DENND2D: variants seen among roughly 807,000 people sequenced by gnomAD.
The protein encoded by DENND2D is DENN domain containing 2D.
Under a neutral mutation model 59.8 loss-of-function variants are expected in DENND2D, and 37 were observed. The ratio of observed to expected loss-of-function variants is 0.62; its 90% CI spans 0.48 to 0.81. The LOEUF is 0.81. Ranked by LOEUF, DENND2D falls within the 40% of genes least tolerant of loss-of-function variation. The probability of loss-of-function intolerance (pLI) is 0.00; values close to 1 mark genes in which losing one functional copy is unlikely to be tolerated. For missense variants in DENND2D, 525 were observed against 579.7 expected (o/e 0.91, Z 0.97); for synonymous variants, 219 against 211.3 (o/e 1.04, Z -0.31).
chr1:111,198,224 G>A (rs1001446103), intron 3 of DENND2D, among the ~76,000 whole-genome samples: 3 of 152,214 alleles, frequency 2.0e-5, no homozygotes, highest in African/African-American at 7.2e-5. Context: ...TGAGGCCAGA[G>A]GGTGCTTCTT....
At chr1:111,197,484 A>G (rs1260445182) in intron 4 of DENND2D, 49 of 1,414,098 alleles carry the variant, frequency 3.5e-5, no homozygotes, top group Non-Finnish European at 4.4e-5. Context: ...ATCTGGGGTC[A>G]GCAAAGAGGG....
At chr1:111,198,190 T>C (rs1005990621) in intron 3 of DENND2D, among the ~76,000 whole-genome samples, 1 of 152,228 alleles carries the variant, frequency 6.6e-6, no homozygotes, top group African/African-American at 2.4e-5. Flanking sequence ...TCAGTAATTA[T>C]TCCCACTTTA....
intron 6 of DENND2D, chr1:111,194,991 G>A (rs186597645): frequency 4.4e-6 from 2 of 451,372 alleles, no homozygotes; most frequent in East Asian, 3.6e-5. Flanking sequence ...TCTGTTCCTT[G>A]AGCAATCCCA....
At chr1:111,202,889 C>T (rs1404260306), upstream of DENND2D, among the ~76,000 whole-genome samples, 1 of 152,000 alleles carries the variant, frequency 6.6e-6, no homozygotes. Flanking sequence ...CAGGAAGCTC[C>T]TCCAGGCACA....
chr1:111,200,015 G>A (rs1266600329), intron 1 of DENND2D: 6 of 633,618 alleles, frequency 9.5e-6, no homozygotes, highest in African/African-American at 9.2e-5. Flanking sequence ...GCCAAGCAGA[G>A]GAAAGAAACC....
chr1:111,197,072 T>C (rs2101488043), intron 5 of DENND2D, 104 bp downstream of exon 5: 1 of 1,306,898 alleles, frequency 7.7e-7, no homozygotes, highest in East Asian at 2.5e-5. Context: ...ATGCTGACTC[T>C]GGCTATGGGA....
At chr1:111,189,620 G>T (rs979190579) in intron 8 of DENND2D, among the ~76,000 whole-genome samples, 1 of 152,224 alleles carries the variant, frequency 6.6e-6, no homozygotes, top group Non-Finnish European at 1.5e-5. Flanking sequence ...TTACACGTTT[G>T]ATCTCAAGCA....
chr1:111,200,074 A>G lies in DENND2D; in HGVS notation c.68-276T>C, dbSNP rs1400023093. The G allele has an allele frequency of 1.4e-5, 8 of 563,116 alleles. No individual in the cohort carries two copies. In the East Asian group the frequency reaches 2.4e-4, roughly 17 times the overall value. The allele number at this position is 563,116 out of a possible 1,614,324, so 34.9% of individuals were successfully genotyped here. On this transcript the variant is annotated intron_variant, in intron 1 of 11. Transcript: ENST00000357640. ...GTGCTGGAGAGGCCACATGGAGGCC[A>G]AGGCCCCAGGGTACCACAGAGACTG... is the stretch of plus-strand genomic sequence containing the variant.
chr1:111,188,052 A>C, intron 11 of DENND2D, 79 bp downstream of exon 11: 1 of 1,548,818 alleles, frequency 6.5e-7, no homozygotes, highest in South Asian at 1.2e-5. Flanking sequence ...TTCTAAAGAG[A>C]AGTATTCTTT....
intron 8 of DENND2D, among the ~76,000 whole-genome samples, chr1:111,190,478 CA>C (rs1270102745): frequency 6.6e-6 from 1 of 152,124 alleles, no homozygotes; most frequent in Non-Finnish European, 1.5e-5. Flanking sequence ...ATTTGGTTTC[CA>C]ATATTTAAAC....
intron 11 of DENND2D, 78 bp from the exon 12 acceptor site, chr1:111,187,759 A>T: frequency 8.4e-7 from 1 of 1,189,654 alleles, no homozygotes; most frequent in Admixed American, 1.9e-5. Context: ...TAAGGATCAG[A>T]AATATCCTGT....
chr1:111,187,641 C>T lies in DENND2D; in HGVS notation c.1380G>A (p.Lys460=), dbSNP rs1657339886. The T allele has an allele frequency of 6.8e-6, 11 of 1,613,908 alleles. No individual in the cohort carries two copies. In the Middle Eastern group the frequency reaches 1.2e-3, roughly 169 times the overall value. The change falls in exon 12 of 12, where the codon AAG becomes AAA. Residue 460 remains lysine (K), a synonymous_variant. Transcript: ENST00000357640. The part of the protein sequence containing the change: ...QQKILEYEEQ[K]KQKKPREKTV... Reference sequence around the variant, plus strand: ...TTTTTTCCCTTGGTTTCTTCTGTTTCTTCTGTTCCTCATATTCAAGTATTT... The same window carrying T: ...TTTTTTCCCTTGGTTTCTTCTGTTTTTTCTGTTCCTCATATTCAAGTATTT...
Position 111,196,034 on chromosome 1 carries a change from C to T in DENND2D, c.527G>A (p.Arg176Lys). 1 of 1,611,512 alleles carries T rather than the reference C, an allele frequency of 6.2e-7. No individual in the cohort carries two copies. Among genetic ancestry groups the T allele is most frequent in the Non-Finnish European group, 8.5e-7 (1 of 1,178,460 alleles). The change falls in exon 6 of 12, where the codon AGA becomes AAA. Residue 176 changes from arginine to lysine, a missense_variant. By Grantham distance (26) the Arg-to-Lys change is conservative. Transcript: ENST00000357640. ...FSKILDEVEK[R>K]HQISMAVIYP... ...GATGACAGCCATGGAGATCTGATGT[C>T]TCTTCTCCACTTCATCCAGGATCTG...
chr1:111,202,199 C>A (rs551367140), upstream of DENND2D, among the ~76,000 whole-genome samples: 1 of 152,294 alleles, frequency 6.6e-6, no homozygotes, highest in South Asian at 2.1e-4. Context: ...TCCCTAAATC[C>A]TTTGGGCTGC....
chr1:111,196,639 C>G (rs1658257918), intron 5 of DENND2D: 2 of 161,126 alleles, frequency 1.2e-5, no homozygotes, highest in Admixed American at 1.1e-4. Context: ...ATGGCATGGC[C>G]CCCATGGATT....
At chr1:111,204,123 T>C, upstream of DENND2D, 1 of 212,978 alleles carries the variant, frequency 4.7e-6, no homozygotes, top group South Asian at 8.8e-5. Context: ...TCTTCCCCTC[T>C]CCGCGCGCTC....
intron 9 of DENND2D, 68 bp from the exon 10 acceptor site, chr1:111,188,854 G>C: frequency 7.3e-7 from 1 of 1,362,308 alleles, no homozygotes; most frequent in Non-Finnish European, 1.0e-6. Flanking sequence ...TGGCAGAAAA[G>C]CATAAGGAGG....
chr1:111,204,479 G>T, upstream of DENND2D: 1 of 1,044,504 alleles, frequency 9.6e-7, no homozygotes, highest in Non-Finnish European at 1.3e-6. Flanking sequence ...GTTCGGGGCG[G>T]CGCGGCGCAC....
chr1:111,196,884 AAATTGAAACTCAGGGCAG>A, intron 5 of DENND2D: 1 of 385,146 alleles, frequency 2.6e-6, no homozygotes, highest in Non-Finnish European at 4.9e-6. Flanking sequence ...ACGGATGAGG[AAATTGAAACTCAGGGCAG>A]AAGTTTCTTC....
Sources: allele counts gnomAD v4.1 joint callset (sites outside exome capture counted in the v4.1 genomes callset), GRCh38; gene constraint gnomAD v4.1.1; transcripts MANE v1.5; gene names NCBI Gene and HGNC (gene_info 2026-07-23, HGNC 2026-07-21).